CD8B: variants seen among roughly 807,000 people sequenced by gnomAD.
CD8B encodes the protein T-cell surface glycoprotein CD8 beta chain.
Under a neutral mutation model 24.2 loss-of-function variants are expected in CD8B, and 6 were observed. That is an observed-to-expected ratio of 0.25 (90% confidence interval 0.14 to 0.49). The LOEUF (loss-of-function observed/expected upper bound fraction) is 0.49, where lower values mean the gene tolerates loss of function less well. Ranked by LOEUF, CD8B falls within the 20% of genes least tolerant of loss-of-function variation. The pLI, the probability that CD8B is intolerant of heterozygous loss-of-function variation, is 0.98. For synonymous variants in CD8B, 84 were observed against 108.3 expected (o/e 0.78, Z 1.39); for missense variants, 196 against 271.3 (o/e 0.72, Z 1.95).
At chr2:86,836,134 G>A (rs910924154), downstream of CD8B, among the ~76,000 whole-genome samples, 1 of 152,126 alleles carries the variant, frequency 6.6e-6, no homozygotes, top group Non-Finnish European at 1.5e-5. Context: ...GTGGATGGGT[G>A]GGGGAGCCAG....
intron 3 of CD8B, among the ~76,000 whole-genome samples, chr2:86,848,398 T>C (rs1201979382): frequency 6.6e-6 from 1 of 152,232 alleles, no homozygotes; most frequent in East Asian, 1.9e-4. Context: ...TTCTACGAGT[T>C]GACTATCTGT....
chr2:86,821,551 G>A (rs555877485), intron 5 of CD8B, among the ~76,000 whole-genome samples: 1 of 152,312 alleles, frequency 6.6e-6, no homozygotes, highest in African/African-American at 2.4e-5. Context: ...CAGGCCCTGG[G>A]CCAAGTTGGG....
intron 5 of CD8B, chr2:86,833,122 G>A: frequency 3.3e-6 from 1 of 301,682 alleles, no homozygotes; most frequent in Non-Finnish European, 6.7e-6. Context: ...AAAAAGGATA[G>A]TTTAAATAAT....
chr2:86,845,556 G>A (rs997655397), intron 4 of CD8B, among the ~76,000 whole-genome samples: 1 of 152,132 alleles, frequency 6.6e-6, no homozygotes, highest in Non-Finnish European at 1.5e-5. Flanking sequence ...TCAGCCTCTC[G>A]AGTACGGGCA....
intron 2 of CD8B, among the ~76,000 whole-genome samples, chr2:86,856,762 T>A (rs1558763031): frequency 6.6e-6 from 1 of 150,540 alleles, no homozygotes; most frequent in Non-Finnish European, 1.5e-5. Context: ...CCACAGGTGC[T>A]GCTGAGCACA....
chr2:86,821,832 C>T (rs1273269883), intron 5 of CD8B: 2 of 325,634 alleles, frequency 6.1e-6, no homozygotes, highest in East Asian at 9.7e-5. Flanking sequence ...CCCCTGCTTC[C>T]TCCACCCTTC....
intron 2 of CD8B, among the ~76,000 whole-genome samples, chr2:86,853,615 T>C (rs1676083907): frequency 6.6e-6 from 1 of 152,200 alleles, no homozygotes; most frequent in African/African-American, 2.4e-5. Flanking sequence ...GAGATGGGGT[T>C]CAGCTTGGTG....
At chr2:86,850,917 C>G (rs1573520589) in intron 3 of CD8B, among the ~76,000 whole-genome samples, 1 of 151,836 alleles carries the variant, frequency 6.6e-6, no homozygotes, top group Non-Finnish European at 1.5e-5. Flanking sequence ...ATGGTGAAAC[C>G]CTGCCTCTAC....
chr2:86,842,128 G>C lies in CD8B; in HGVS notation c.*179C>G, dbSNP rs529609845. On this transcript the variant is annotated 3_prime_UTR_variant, in exon 6 of 6. Coordinates refer to ENST00000390655, the MANE Select transcript of CD8B (RefSeq NM_004931.5). ...CTCCCTAGTATTCCCGATGACCCAC[G>C]AACAAGTTGCTCCCATGCACATCAC... is the stretch of plus-strand genomic sequence containing the variant. 1.4e-5 allele frequency: 20 copies of C among 1,436,280 alleles called. No individual in the cohort carries two copies. The East Asian group carries it at 2.6e-4, about 18-fold the overall frequency. 89.0% of individuals were successfully genotyped at this position (1,436,280 alleles called of 1,614,324 possible).
At chr2:86,837,610 G>A (rs1012556745), downstream of CD8B, among the ~76,000 whole-genome samples, 2 of 149,522 alleles carry the variant, frequency 1.3e-5, no homozygotes, top group South Asian at 2.2e-4. Context: ...TGCAGCCCAC[G>A]CGGGGTCGGG....
intron 2 of CD8B, among the ~76,000 whole-genome samples, chr2:86,853,992 C>T (rs1011449753): frequency 2.0e-5 from 3 of 152,158 alleles, no homozygotes; most frequent in Admixed American, 6.5e-5. Context: ...CCACTCACCT[C>T]GGCCTCCAAA....
chr2:86,816,968 A>G (rs994472739), intron 5 of CD8B, among the ~76,000 whole-genome samples: 2 of 152,250 alleles, frequency 1.3e-5, no homozygotes, highest in Non-Finnish European at 2.9e-5. Context: ...ATCTTTATCC[A>G]TAACATATCA....
In CD8B at chr2:86,846,750, G is replaced by A. The variant is rs756415770; in HGVS notation, c.517C>T (p.Leu173Phe). ...AGGACGCCAGCCACCAGCAGGCCAAGGGTGATGGGGCTACAAAGTGGGCCT... is the reference window on the plus strand; with the variant it reads ...AGGACGCCAGCCACCAGCAGGCCAAAGGTGATGGGGCTACAAAGTGGGCCT... Reference protein sequence around the residue: ...QKGPLCSPITLGLLVAGVLVL... With the variant: ...QKGPLCSPITFGLLVAGVLVL... The change falls in exon 4 of 6, where the codon CTT (leucine) becomes TTT (phenylalanine). Residue 173 changes from leucine (L) to phenylalanine (F), a missense_variant. Physicochemically the swap from Leu to Phe is conservative, Grantham distance 22. Transcript: ENST00000390655. The A allele has an allele frequency of 2.5e-6, 4 of 1,582,920 alleles. No homozygotes were observed. The highest frequency in any genetic ancestry group is 4.6e-5 in the East Asian group (2 of 43,654).
chr2:86,816,473 T>TTC (rs1400819909), intron 5 of CD8B, among the ~76,000 whole-genome samples: 1 of 152,178 alleles, frequency 6.6e-6, no homozygotes, highest in Non-Finnish European at 1.5e-5. Flanking sequence ...AGCTGAATAA[T>TTC]TTTGCTGAAG....
chr2:86,818,405 C>T (rs1674340921), intron 5 of CD8B, among the ~76,000 whole-genome samples: 1 of 152,044 alleles, frequency 6.6e-6, no homozygotes. Flanking sequence ...GGCAACCCTG[C>T]CTGGAGCAAA....
rs184653462 is a variant in CD8B, at chr2:86,838,777, C to T, written c.*3530G>A. ...TGGGCCTCCCAAAGTACTGGGATTA[C>T]AGGCGTGAGCTGTAATCCCATGTGC... On this transcript the variant is annotated 3_prime_UTR_variant, in exon 6 of 6. Coordinates refer to ENST00000390655, the MANE Select transcript of CD8B (RefSeq NM_004931.5). Among the ~76,000 whole-genome samples, 1 of 152,366 alleles carries T rather than the reference C, an allele frequency of 6.6e-6. No homozygotes were observed. The highest frequency in any genetic ancestry group is 2.4e-5 in the African/African-American group (1 of 41,590).
At chr2:86,816,611 G>T (rs934543852) in intron 5 of CD8B, among the ~76,000 whole-genome samples, 11 of 152,138 alleles carry the variant, frequency 7.2e-5, no homozygotes, top group Admixed American at 6.5e-4. Context: ...GAGATGGCTG[G>T]GCACTCCTGT....
chr2:86,825,828 C>T (rs552513869), intron 5 of CD8B, among the ~76,000 whole-genome samples: 84 of 152,296 alleles, frequency 5.5e-4, no homozygotes, highest in African/African-American at 1.8e-3. Flanking sequence ...ACCTCCTGCC[C>T]GCCACTCCAC....
intron 5 of CD8B, among the ~76,000 whole-genome samples, chr2:86,824,219 A>G (rs545120512): frequency 6.6e-6 from 1 of 152,090 alleles, no homozygotes; most frequent in African/African-American, 2.4e-5. Context: ...CCACACTTTT[A>G]CCTATGTGAC....
Sources: allele counts gnomAD v4.1 joint callset (sites outside exome capture counted in the v4.1 genomes callset), GRCh38; gene constraint gnomAD v4.1.1; transcripts MANE v1.5; gene names NCBI Gene and HGNC (gene_info 2026-07-23, HGNC 2026-07-21).